The following ANKRD36C variants were observed in gnomAD, a reference collection of about 807,000 sequenced individuals.
ANKRD36C encodes the protein ankyrin repeat domain 36C.
In ANKRD36C, 61 loss-of-function variants were observed where a neutral mutation model predicts 276.4. The observed-to-expected ratio is 0.22, with a 90% confidence interval of 0.18 to 0.27. The LOEUF (loss-of-function observed/expected upper bound fraction) is 0.27. Ranked by LOEUF, ANKRD36C falls within the 10% of genes least tolerant of loss-of-function variation. ANKRD36C has a pLI of 1.00. For synonymous variants in ANKRD36C, 483 were observed against 680.1 expected (o/e 0.71, Z 4.51); for missense variants, 1,447 against 2,032.3 (o/e 0.71, Z 5.54).
chr2:95,991,708 T>G, exon 1 of ANKRD36C: 1 of 1,612,460 alleles, frequency 6.2e-7, no homozygotes, highest in East Asian at 2.2e-5. Flanking sequence ...TTGTCATCCA[T>G]AATGGTCGGC....
chr2:95,852,002 C>G, intron 65 of ANKRD36C, 124 bp downstream of exon 85: 2 of 1,184,194 alleles, frequency 1.7e-6, no homozygotes, highest in African/African-American at 1.5e-5. Flanking sequence ...ATATAGCTTA[C>G]AGATGAAACT....
At chr2:95,889,898 CAATA>C in intron 47 of ANKRD36C, 27 bp from the exon 68 acceptor site, 1 of 1,607,042 alleles carries the variant, frequency 6.2e-7, no homozygotes, top group Non-Finnish European at 8.5e-7. Flanking sequence ...ACACAACAGT[CAATA>C]AATAAAGTAT....
chr2:95,970,443 T>C (rs572408466), intron 6 of ANKRD36C, among the ~76,000 whole-genome samples: 1 of 152,278 alleles, frequency 6.6e-6, no homozygotes, highest in East Asian at 1.9e-4. Flanking sequence ...AAAGAAATAC[T>C]GGGAATGGTA....
At chr2:95,963,034 T>C (rs1035795199) in intron 6 of ANKRD36C, among the ~76,000 whole-genome samples, 10 of 152,098 alleles carry the variant, frequency 6.6e-5, no homozygotes, top group African/African-American at 2.4e-4. Context: ...TTCAGCTGAA[T>C]GTACACTTCA....
chr2:95,914,081 T>C (rs753485056), intron 40 of ANKRD36C, 27 bp downstream of exon 42: 23 of 1,537,922 alleles, frequency 1.5e-5, no homozygotes, highest in Non-Finnish European at 1.9e-5. Flanking sequence ...CGACTGATCA[T>C]GACATTAAAT....
chr2:95,941,246 T>C, intron 19 of ANKRD36C, 47 bp from the exon 20 acceptor site: 15 of 1,441,722 alleles, frequency 1.0e-5, no homozygotes, highest in Non-Finnish European at 1.4e-5. Flanking sequence ...TTATATTTAC[T>C]ACTCAATCGG....
intron 6 of ANKRD36C, among the ~76,000 whole-genome samples, chr2:95,972,373 A>G (rs1678717289): frequency 1.3e-5 from 2 of 152,328 alleles, no homozygotes; most frequent in South Asian, 2.1e-4. Flanking sequence ...TCATACTGGT[A>G]GACAATATTG....
At chr2:95,897,757 A>T (rs1477963927) in intron 44 of ANKRD36C, among the ~76,000 whole-genome samples, 1 of 148,766 alleles carries the variant, frequency 6.7e-6, no homozygotes, top group East Asian at 2.0e-4. Flanking sequence ...TGATGAGGTC[A>T]AAGTGATCTA....
intron 44 of ANKRD36C, 131 bp downstream of exon 64, chr2:95,893,402 A>G: frequency 7.6e-7 from 1 of 1,317,854 alleles, no homozygotes; most frequent in East Asian, 2.5e-5. Context: ...AGAACTTACT[A>G]CAAATGAAGA....
intron 28 of ANKRD36C, 56 bp downstream of exon 28, chr2:95,927,158 A>G: frequency 6.3e-7 from 1 of 1,598,962 alleles, no homozygotes; most frequent in Non-Finnish European, 8.5e-7. Flanking sequence ...TCCAGGGAAG[A>G]GAAGTACTTT....
At chr2:95,890,076 T>A in intron 46 of ANKRD36C, 82 bp from the exon 67 acceptor site, 1 of 1,515,538 alleles carries the variant, frequency 6.6e-7, no homozygotes, top group South Asian at 1.1e-5. Flanking sequence ...TTAGCATCAA[T>A]CTCTGTCCTC....
intron 46 of ANKRD36C, 37 bp from the exon 67 acceptor site, chr2:95,890,031 A>C (rs769142150): frequency 5.6e-6 from 9 of 1,596,574 alleles, no homozygotes; most frequent in Non-Finnish European, 4.3e-6. Context: ...ACTCATACGT[A>C]AATATGATAA....
chr2:95,933,930 A>G (rs1187942077), intron 24 of ANKRD36C, among the ~76,000 whole-genome samples: 2 of 152,078 alleles, frequency 1.3e-5, no homozygotes, highest in Admixed American at 6.5e-5. Context: ...AGAACAAACA[A>G]CCTCATCAAA....
intron 42 of ANKRD36C, chr2:95,906,698 T>C (rs1676766257): frequency 7.8e-6 from 1 of 128,934 alleles, no homozygotes. Context: ...TCTCATCACT[T>C]GTAGCCTGAA....
intron 59 of ANKRD36C, among the ~76,000 whole-genome samples, chr2:95,870,030 C>G (rs1573728858): frequency 1.3e-5 from 2 of 152,356 alleles, no homozygotes; most frequent in Middle Eastern, 6.8e-3. Context: ...TGGGTGGAGC[C>G]CACCACAGCT....
intron 6 of ANKRD36C, among the ~76,000 whole-genome samples, chr2:95,969,770 A>G (rs1242046699): frequency 1.3e-5 from 2 of 152,210 alleles, no homozygotes; most frequent in African/African-American, 4.8e-5. Flanking sequence ...CAGTGCAGAA[A>G]GTAGGGTGAC....
chr2:95,910,306 T>C, intron 42 of ANKRD36C, 67 bp downstream of exon 46: 1 of 1,466,876 alleles, frequency 6.8e-7, no homozygotes, highest in Non-Finnish European at 9.1e-7. Flanking sequence ...CCCGCTGCTT[T>C]ATTTGGAGAA....
At chr2:95,912,536 A>G in intron 40 of ANKRD36C, 101 bp from the exon 43 acceptor site, 1 of 1,575,330 alleles carries the variant, frequency 6.3e-7, no homozygotes, top group Non-Finnish European at 8.6e-7. Flanking sequence ...TCCTGCCTGT[A>G]TTAGTGGAGG....
intron 66 of ANKRD36C, 22 bp from the exon 87 acceptor site, chr2:95,851,217 T>C: frequency 6.7e-7 from 1 of 1,491,146 alleles, no homozygotes; most frequent in Non-Finnish European, 9.2e-7. Flanking sequence ...CAAATATTAC[T>C]TATAATGTTT....
Sources: gnomAD v4.1 joint callset for allele counts (sites outside exome capture counted in the v4.1 genomes callset) on GRCh38, gnomAD v4.1.1 for gene constraint, MANE v1.5 for transcripts, NCBI Gene and HGNC (gene_info 2026-07-23, HGNC 2026-07-21) for gene names.